WWOX: variants seen among roughly 807,000 people sequenced by gnomAD.
WWOX encodes the protein WW domain-containing oxidoreductase.
WWOX carries 69 observed loss-of-function variants against 46.2 expected under a neutral mutation model. That is an observed-to-expected ratio of 1.49 (90% CI 1.23 to 1.82). The LOEUF (loss-of-function observed/expected upper bound fraction) is 1.82. Ranked by LOEUF, WWOX falls within the 40% of genes most tolerant of loss-of-function variation. WWOX has a pLI of 0.00. For synonymous variants in WWOX, 359 were observed against 202.6 expected (o/e 1.77, Z -6.56); for missense variants, 919 against 542.6 (o/e 1.69, Z -6.89).
At chr16:78,437,436 G>GT (rs755965863) in intron 8 of WWOX, among the ~76,000 whole-genome samples, 26 of 152,170 alleles carry the variant, frequency 1.7e-4, no homozygotes, top group Non-Finnish European at 3.4e-4. Context: ...AATTGTTGCT[G>GT]TAAATGCATT....
rs140156451 is a variant in WWOX at position 78,987,462 on chromosome 16, T to C, written c.1057-224146T>C. On this transcript the variant is annotated intron_variant, in intron 8 of 8. Transcript: ENST00000566780. The stretch of plus-strand genomic sequence containing the variant: ...GTCCTTTTTTCTTTTTTCTAGCAAC[T>C]CTCGAGAGGATGAGACAAATGGATT... Among the ~76,000 whole-genome samples the C allele has an allele frequency of 3.3e-3, 501 of 152,298 alleles. 5 individuals are homozygous for C. The highest frequency in any genetic ancestry group is 3.4e-3 in the Middle Eastern group (1 of 294).
chr16:78,437,129 C>T (rs1365435383), intron 8 of WWOX, among the ~76,000 whole-genome samples: 2 of 152,188 alleles, frequency 1.3e-5, no homozygotes, highest in Non-Finnish European at 2.9e-5. Context: ...GCAAGAAATA[C>T]AACCCAGACT....
chr16:78,267,831 C>G (rs1010361514), intron 5 of WWOX, among the ~76,000 whole-genome samples: 1 of 152,184 alleles, frequency 6.6e-6, no homozygotes, highest in African/African-American at 2.4e-5. Flanking sequence ...TCTCTGCCTG[C>G]CGGGTTCAAG....
intron 8 of WWOX, among the ~76,000 whole-genome samples, chr16:79,064,704 C>A (rs746123128): frequency 1.3e-5 from 2 of 152,178 alleles, no homozygotes; most frequent in Admixed American, 6.5e-5. Flanking sequence ...AGAGAGTCAG[C>A]CCTGAGGGAG....
intron 8 of WWOX, among the ~76,000 whole-genome samples, chr16:78,529,306 C>G (rs1567624663): frequency 6.6e-6 from 1 of 152,036 alleles, no homozygotes; most frequent in Non-Finnish European, 1.5e-5. Context: ...GTTGAGTGGC[C>G]TCTTTATCAA....
At chr16:78,613,279 C>G (rs2550582) in intron 8 of WWOX, among the ~76,000 whole-genome samples, 115,252 of 152,022 alleles carry the variant, frequency 0.76, 43,949 homozygotes, top group Non-Finnish European at 0.79. Flanking sequence ...AGGGATCACT[C>G]TTTCAGAAAC....
chr16:78,108,296 TTCTC>T, intron 1 of WWOX, 123 bp from the exon 2 acceptor site: 2 of 936,600 alleles, frequency 2.1e-6, no homozygotes, highest in South Asian at 2.9e-5. Flanking sequence ...ACAGTCCTCT[TTCTC>T]CTTCTTCCCC....
chr16:78,572,602 C>CAAAAAAA (rs35178787), intron 8 of WWOX, among the ~76,000 whole-genome samples: 2 of 41,494 alleles, frequency 4.8e-5, no homozygotes, highest in Non-Finnish European at 8.8e-5. Flanking sequence ...GACTCTGTCT[C>CAAAAAAA]AAAAAAAAAA....
At chr16:78,857,900 A>T (rs1273539340) in intron 8 of WWOX, among the ~76,000 whole-genome samples, 1 of 152,230 alleles carries the variant, frequency 6.6e-6, no homozygotes, top group African/African-American at 2.4e-5. Context: ...TCCATTCTGT[A>T]CCAGAAAATA....
intron 8 of WWOX, among the ~76,000 whole-genome samples, chr16:78,680,591 A>T (rs149814498): frequency 6.6e-6 from 1 of 152,206 alleles, no homozygotes; most frequent in African/African-American, 2.4e-5. Flanking sequence ...TAGCCAGTGG[A>T]CACGTGGGGC....
intron 8 of WWOX, among the ~76,000 whole-genome samples, chr16:78,710,486 A>ATATATATATATATATATATT (rs1303049001): frequency 4.7e-5 from 6 of 127,300 alleles, no homozygotes; most frequent in Non-Finnish European, 8.3e-5. Context: ...ATATATATAT[A>ATATATATATATATATATATT]TATATATATA....
chr16:78,596,692 T>C (rs957011520), intron 8 of WWOX, among the ~76,000 whole-genome samples: 13 of 152,130 alleles, frequency 8.5e-5, no homozygotes, highest in African/African-American at 3.1e-4. Context: ...GGAGAATCAG[T>C]TGAGAGGTAA....
At chr16:78,518,175 G>C (rs1239258800) in intron 8 of WWOX, among the ~76,000 whole-genome samples, 1 of 151,928 alleles carries the variant, frequency 6.6e-6, no homozygotes, top group East Asian at 1.9e-4. Flanking sequence ...TTTTAAGTTG[G>C]GGCTTAATAT....
chr16:78,774,493 A>G (rs1344156330), intron 8 of WWOX, among the ~76,000 whole-genome samples: 1 of 122,150 alleles, frequency 8.2e-6, no homozygotes, highest in East Asian at 2.5e-4. Context: ...TGACAGACCC[A>G]TTTTGTGTGT....
At chr16:78,561,328 G>C (rs961948308) in intron 8 of WWOX, among the ~76,000 whole-genome samples, 1 of 152,124 alleles carries the variant, frequency 6.6e-6, no homozygotes, top group African/African-American at 2.4e-5. Flanking sequence ...TCTCATGCAT[G>C]TAGTTCCCTC....
At chr16:78,530,972 T>C (rs2043607541) in intron 8 of WWOX, among the ~76,000 whole-genome samples, 1 of 152,226 alleles carries the variant, frequency 6.6e-6, no homozygotes, top group African/African-American at 2.4e-5. Flanking sequence ...CTCTGAGAAT[T>C]GATATTACTC....
At chr16:78,927,521 T>C (rs1335778663) in intron 8 of WWOX, among the ~76,000 whole-genome samples, 1 of 152,214 alleles carries the variant, frequency 6.6e-6, no homozygotes, top group Non-Finnish European at 1.5e-5. Context: ...AGGTAGGCAC[T>C]CAATAGATAT....
intron 8 of WWOX, among the ~76,000 whole-genome samples, chr16:78,608,900 C>T (rs77649616): frequency 4.1e-4 from 62 of 152,060 alleles, no homozygotes; most frequent in African/African-American, 1.2e-3. Flanking sequence ...GGTCTGACCT[C>T]GGAAACTTCC....
At chr16:79,094,395 G>A (rs899147469) in intron 8 of WWOX, among the ~76,000 whole-genome samples, 3 of 151,842 alleles carry the variant, frequency 2.0e-5, no homozygotes, top group Non-Finnish European at 4.4e-5. Context: ...GATTACAGGC[G>A]CCCGCCACCA....
Sources: allele counts gnomAD v4.1 joint callset (sites outside exome capture counted in the v4.1 genomes callset), GRCh38; gene constraint gnomAD v4.1.1; transcripts MANE v1.5; gene names NCBI Gene and HGNC (gene_info 2026-07-23, HGNC 2026-07-21).